GPBP1: variants seen among roughly 807,000 people sequenced by gnomAD.
GPBP1 encodes the protein vasculin.
A neutral mutation model predicts 56.5 loss-of-function variants in GPBP1; 13 were observed. The observed-to-expected ratio is 0.23, with a 90% CI of 0.15 to 0.37. The LOEUF is 0.37. GPBP1 is among the 10% of genes least tolerant of loss of function. GPBP1 has a pLI of 1.00. For missense variants in GPBP1, 477 were observed against 572.3 expected (o/e 0.83, Z 1.70); for synonymous variants, 204 against 188.9 (o/e 1.08, Z -0.66).
At chr5:57,245,606 C>T (rs148116596) in intron 6 of GPBP1, 1 of 152,154 alleles carries the variant, frequency 6.6e-6, no homozygotes, top group South Asian at 2.1e-4. Flanking sequence ...TACACACACA[C>T]ATTGATTAAA....
chr5:57,216,178 C>T (rs1755691786), intron 3 of GPBP1, among the ~76,000 whole-genome samples: 1 of 152,098 alleles, frequency 6.6e-6, no homozygotes, highest in African/African-American at 2.4e-5. Flanking sequence ...CCAGAGTTCT[C>T]GACTGTAGTT....
chr5:57,259,578 C>G (rs1487880993), intron 10 of GPBP1, among the ~76,000 whole-genome samples: 1 of 152,186 alleles, frequency 6.6e-6, no homozygotes, highest in Non-Finnish European at 1.5e-5. Context: ...CGTGTCAGTG[C>G]TGTCTTTTTT....
intron 3 of GPBP1, among the ~76,000 whole-genome samples, chr5:57,228,673 AT>A (rs1208085507): frequency 2.6e-5 from 4 of 152,132 alleles, no homozygotes; most frequent in Non-Finnish European, 5.9e-5. Flanking sequence ...TTTTAAGGAA[AT>A]TAAAAAAAAT....
At chr5:57,239,126 CTT>C (rs1052582368) in intron 6 of GPBP1, among the ~76,000 whole-genome samples, 3 of 152,092 alleles carry the variant, frequency 2.0e-5, no homozygotes, top group Admixed American at 6.6e-5. Flanking sequence ...GTTGAAATGA[CTT>C]TTAATATCTG....
At chr5:57,192,578 A>G (rs1754571935) in intron 2 of GPBP1, among the ~76,000 whole-genome samples, 1 of 151,598 alleles carries the variant, frequency 6.6e-6, no homozygotes, top group African/African-American at 2.4e-5. Context: ...ACATGGAGAA[A>G]CTCCGTCTCT....
intron 2 of GPBP1, among the ~76,000 whole-genome samples, chr5:57,185,585 T>A (rs536137322): frequency 6.6e-6 from 1 of 152,264 alleles, no homozygotes; most frequent in South Asian, 2.1e-4. Flanking sequence ...GTCTTTTAAA[T>A]TTTAACCCTT....
chr5:57,190,893 A>T (rs1754493606), intron 2 of GPBP1, among the ~76,000 whole-genome samples: 1 of 151,544 alleles, frequency 6.6e-6, no homozygotes, highest in African/African-American at 2.4e-5. Context: ...TTTTTGGTAG[A>T]GACGGGGTTT....
intron 5 of GPBP1, among the ~76,000 whole-genome samples, chr5:57,233,314 T>C (rs1756535752): frequency 2.0e-5 from 3 of 152,214 alleles, no homozygotes; most frequent in African/African-American, 7.2e-5. Flanking sequence ...TAGGTCCTGT[T>C]ATCAAGTAAC....
intron 3 of GPBP1, among the ~76,000 whole-genome samples, chr5:57,228,307 T>G (rs921228742): frequency 6.6e-6 from 1 of 152,088 alleles, no homozygotes; most frequent in Admixed American, 6.6e-5. Flanking sequence ...GTACAAAAAT[T>G]AGCCAGGTGT....
intron 3 of GPBP1, among the ~76,000 whole-genome samples, chr5:57,220,498 C>T (rs1261055152): frequency 1.4e-5 from 2 of 146,284 alleles, no homozygotes; most frequent in Admixed American, 6.9e-5. Context: ...CTCGCTCTGT[C>T]GCCCAAGCTG....
At chr5:57,245,576 C>G (rs2111916646) in intron 6 of GPBP1, 1 of 152,286 alleles carries the variant, frequency 6.6e-6, no homozygotes, top group South Asian at 2.1e-4. Flanking sequence ...AGAAAGACTT[C>G]ACTGCAATGT....
At chr5:57,246,658 C>T (rs150593072) in intron 7 of GPBP1, among the ~76,000 whole-genome samples, 174 bp downstream of exon 7, 4 of 150,920 alleles carry the variant, frequency 2.7e-5, no homozygotes, top group Non-Finnish European at 4.4e-5. Context: ...GTGGTGTGTG[C>T]GTGTGTGTGG....
intron 6 of GPBP1, among the ~76,000 whole-genome samples, chr5:57,236,780 A>G (rs1756680067): frequency 6.6e-6 from 1 of 152,208 alleles, no homozygotes; most frequent in African/African-American, 2.4e-5. Context: ...ATTTGATACT[A>G]AATTCAGAGG....
At chr5:57,226,997 C>T (rs1045077060) in intron 3 of GPBP1, among the ~76,000 whole-genome samples, 8 of 151,936 alleles carry the variant, frequency 5.3e-5, no homozygotes, top group African/African-American at 1.9e-4. Flanking sequence ...CCTTGGCCTC[C>T]CAAAGTGCTA....
chr5:57,241,111 A>G (rs1740805940), intron 6 of GPBP1, among the ~76,000 whole-genome samples: 1 of 152,224 alleles, frequency 6.6e-6, no homozygotes, highest in Non-Finnish European at 1.5e-5. Context: ...GAAGGCAAAA[A>G]TGAATTTCTA....
chr5:57,210,759 A>G (rs543147862), intron 2 of GPBP1, among the ~76,000 whole-genome samples: 214 of 152,250 alleles, frequency 1.4e-3, no homozygotes, highest in Admixed American at 3.3e-3. Flanking sequence ...GCATCAGCAG[A>G]GGGTTGGTTG....
Position 57,214,175 on chromosome 5 carries a change from TCCA to T in GPBP1, c.49_51del (p.Pro17del). The T allele has an allele frequency of 6.2e-7, 1 of 1,613,056 alleles. No homozygotes were observed. The highest frequency in any genetic ancestry group is 8.5e-7 in the Non-Finnish European group (1 of 1,179,104). ...CTCCAGCCTGGCTTAATTTCCCTAC[TCCA>T]CCATCATCAACAAAGGTACTCTTTC... On this transcript the variant is annotated inframe_deletion, in exon 3 of 12. Coordinates refer to ENST00000506184, the MANE Select transcript of GPBP1 (RefSeq NM_022913.4).
In GPBP1 at chr5:57,180,261, C is replaced by T. The variant is rs1561318052; in HGVS notation, c.-58+3861C>T. 3.3e-5 allele frequency among the ~76,000 whole-genome samples: 5 copies of T among 152,022 alleles called. No individual in the cohort carries two copies. In the South Asian group the frequency reaches 1.0e-3, roughly 32 times the overall value. ...TCCCAAGTAGCTGAGGTTACAGGTC[C>T]CCGCTGCCATGCCCAGCTAATTTTT... is the stretch of plus-strand genomic sequence containing the variant. On this transcript the variant is annotated intron_variant, in intron 2 of 11. Coordinates refer to ENST00000506184, the MANE Select transcript of GPBP1 (RefSeq NM_022913.4).
chr5:57,259,615 C>T (rs973258871), intron 10 of GPBP1, among the ~76,000 whole-genome samples: 3 of 152,092 alleles, frequency 2.0e-5, no homozygotes, highest in African/African-American at 7.2e-5. Flanking sequence ...AATGGGCCCC[C>T]TCTAAAATTT....
Sources: allele counts gnomAD v4.1 joint callset (sites outside exome capture counted in the v4.1 genomes callset), GRCh38; gene constraint gnomAD v4.1.1; transcripts MANE v1.5; gene names NCBI Gene and HGNC (gene_info 2026-07-23, HGNC 2026-07-21).